The following WNT5A variants were observed in gnomAD, a reference collection of about 807,000 sequenced individuals.
The protein encoded by WNT5A is Wnt family member 5A.
A neutral mutation model predicts 42.1 loss-of-function variants in WNT5A; 9 were observed. The observed-to-expected ratio is 0.21, with a 90% CI of 0.13 to 0.37. The LOEUF is 0.37. Among genes scored for constraint, WNT5A ranks in the 10% least tolerant of loss-of-function variants. The pLI is 1.00. For missense variants in WNT5A, 426 were observed against 534.0 expected (o/e 0.80, Z 1.99); for synonymous variants, 210 against 210.0 (o/e 1.00, Z 0.00).
Position 55,483,763 on chromosome 3 carries a change from A to T in WNT5A, c.7-2845T>A, listed in dbSNP as rs1045240956. Among the ~76,000 whole-genome samples, 4 of 152,086 alleles carry T rather than the reference A, an allele frequency of 2.6e-5. No homozygotes were observed. Among genetic ancestry groups the T allele is most frequent in the African/African-American group, 9.7e-5 (4 of 41,426 alleles). On this transcript the variant is annotated intron_variant, in intron 1 of 4. Coordinates refer to ENST00000264634, the MANE Select transcript of WNT5A (RefSeq NM_003392.7). This position sits in a 1 kb window ranked among gnomAD's most constrained non-coding sequence, Gnocchi z 4.2. ...CAACGACGTGGCTCCCTTTCTATGT[A>T]TCCCTCAAAGCCTTCGCGTCGGATT...
intron 4 of WNT5A, among the ~76,000 whole-genome samples, chr3:55,474,021 G>A (rs2051300389): frequency 6.6e-6 from 1 of 152,178 alleles, no homozygotes; most frequent in Admixed American, 6.5e-5. Flanking sequence ...AGGCCCTTCT[G>A]GGATGTGCAG....
At chr3:55,472,582 G>A (rs1246021326) in intron 4 of WNT5A, among the ~76,000 whole-genome samples, 2 of 152,050 alleles carry the variant, frequency 1.3e-5, no homozygotes, top group Non-Finnish European at 2.9e-5. Context: ...CACCACAGAA[G>A]AGGCATCCCA....
At position 55,479,354 on chromosome 3, in the gene WNT5A, A is replaced by G; in HGVS notation, c.351T>C (p.Thr117=). 1.2e-6 allele frequency: 2 copies of G among 1,609,330 alleles called. No individual in the cohort carries two copies. The highest frequency in any genetic ancestry group is 1.7e-6 in the Non-Finnish European group (2 of 1,177,116). ...TGCCAAAAACAGAGGTGTTATCCAC[A>G]GTGCTGCAGTTCCACCTTCGATGTC... is the stretch of plus-strand genomic sequence containing the variant. ...QFRHRRWNCS[T]VDNTSVFGRV... The change falls in exon 3 of 5, where the codon ACT becomes ACC. Residue 117 remains threonine, a synonymous_variant. Coordinates refer to ENST00000264634, the MANE Select transcript of WNT5A (RefSeq NM_003392.7).
At position 55,487,031 on chromosome 3, in the gene WNT5A, C is replaced by T. The variant is rs756066753; in HGVS notation, c.-46G>A. Reference sequence around the variant, plus strand: ...GGGAGGAAGTCGCCACCCGAGCGAGCGCAGCCGAGGAATCCGAGCGGAGCG... The same window carrying T: ...GGGAGGAAGTCGCCACCCGAGCGAGTGCAGCCGAGGAATCCGAGCGGAGCG... On this transcript the variant is annotated 5_prime_UTR_variant, in exon 1 of 5. Transcript: ENST00000264634. The T allele has an allele frequency of 5.6e-6, 9 of 1,602,708 alleles. No individual in the cohort carries two copies. The highest frequency in any genetic ancestry group is 6.8e-6 in the Non-Finnish European group (8 of 1,174,084).
upstream of WNT5A, among the ~76,000 whole-genome samples, chr3:55,492,723 T>G (rs1220956020): frequency 6.6e-6 from 1 of 152,230 alleles, no homozygotes; most frequent in Non-Finnish European, 1.5e-5. Context: ...TGGCAACACT[T>G]ACTGAGCTCT....
intron 1 of WNT5A, chr3:55,481,442 G>A: frequency 3.1e-6 from 3 of 976,984 alleles, no homozygotes; most frequent in South Asian, 9.5e-5. Flanking sequence ...TGGCCAGCGC[G>A]GGGGGTGGAG....
intron 3 of WNT5A, among the ~76,000 whole-genome samples, chr3:55,476,518 G>A (rs1273995729): frequency 6.6e-6 from 1 of 152,160 alleles, no homozygotes; most frequent in African/African-American, 2.4e-5. Context: ...GAGATGAAGA[G>A]GAGATGAAAT....
At chr3:55,472,406 A>C (rs1559552836) in intron 4 of WNT5A, among the ~76,000 whole-genome samples, 1 of 152,210 alleles carries the variant, frequency 6.6e-6, no homozygotes, top group Non-Finnish European at 1.5e-5. Context: ...TTTAAGAGTC[A>C]GACACATCTC....
the WNT5A span, among the ~76,000 whole-genome samples, chr3:55,496,800 C>T: frequency 6.6e-6 from 1 of 152,138 alleles, no homozygotes; most frequent in Non-Finnish European, 1.5e-5. Context: ...TCAAAATTTG[C>T]CAACAGAAAA....
At chr3:55,498,422 T>C in the WNT5A span, among the ~76,000 whole-genome samples, 5 of 152,058 alleles carry the variant, frequency 3.3e-5, no homozygotes, top group African/African-American at 1.2e-4. Flanking sequence ...TCCAGGCCTG[T>C]ACAATAAGGA....
chr3:55,487,931 CA>C (rs888705140), upstream of WNT5A: 4 of 152,376 alleles, frequency 2.6e-5, no homozygotes, highest in African/African-American at 9.7e-5. Flanking sequence ...TCCCCCCCCC[CA>C]CCACGTATCC....
In WNT5A at chr3:55,483,479, T is replaced by C. The variant is rs2051509790; in HGVS notation, c.7-2561A>G. On this transcript the variant is annotated intron_variant, in intron 1 of 4. Transcript: ENST00000264634. This position sits in a 1 kb window ranked among gnomAD's most constrained non-coding sequence, Gnocchi z 4.2. ...CAAGAGATCAGATCCGAAAAGACAGTATGAAATGAGACCTCTGGGGAGACT... is the reference window on the plus strand; with the variant it reads ...CAAGAGATCAGATCCGAAAAGACAGCATGAAATGAGACCTCTGGGGAGACT... Among the ~76,000 whole-genome samples, 1 of 152,070 alleles carries C rather than the reference T, an allele frequency of 6.6e-6. No individual in the cohort carries two copies. Among genetic ancestry groups the C allele is most frequent in the Non-Finnish European group, 1.5e-5 (1 of 68,012 alleles).
chr3:55,499,881 A>C, the WNT5A span, among the ~76,000 whole-genome samples: 5 of 152,016 alleles, frequency 3.3e-5, no homozygotes, highest in African/African-American at 1.2e-4. Context: ...AGGCTGAGGC[A>C]GGAGAATCAA....
chr3:55,504,165 G>C, the WNT5A span, among the ~76,000 whole-genome samples: 1 of 151,770 alleles, frequency 6.6e-6, no homozygotes, highest in Non-Finnish European at 1.5e-5. Flanking sequence ...TCAGCTACTC[G>C]GGTGGCTGAG....
chr3:55,470,627 C>G (rs1428530841), intron 4 of WNT5A, 77 bp from the exon 5 acceptor site: 1 of 1,311,620 alleles, frequency 7.6e-7, no homozygotes, highest in Non-Finnish European at 1.0e-6. Context: ...AAGTTCTCCT[C>G]GACCTTCTCC....
At chr3:55,475,618 A>G (rs1158857836) in intron 3 of WNT5A, among the ~76,000 whole-genome samples, 2 of 152,192 alleles carry the variant, frequency 1.3e-5, no homozygotes, top group Admixed American at 6.5e-5. Flanking sequence ...CCACTTCTGC[A>G]GACACCCCCT....
At chr3:55,493,535 T>C (rs1464109377), upstream of WNT5A, among the ~76,000 whole-genome samples, 1 of 147,628 alleles carries the variant, frequency 6.8e-6, no homozygotes, top group African/African-American at 2.6e-5. Flanking sequence ...GTCTGTCTTG[T>C]TTTCTCTCAA....
chr3:55,498,739 G>A, the WNT5A span, among the ~76,000 whole-genome samples: 1 of 152,108 alleles, frequency 6.6e-6, no homozygotes, highest in Admixed American at 6.5e-5. Flanking sequence ...AGAGTCACGT[G>A]ACACAGACTA....
rs2051509223 is a variant in WNT5A, at chr3:55,483,461, T to A, written c.7-2543A>T. Among the ~76,000 whole-genome samples the A allele has an allele frequency of 6.6e-6, 1 of 152,092 alleles. No homozygotes were observed. Among genetic ancestry groups the A allele is most frequent in the Non-Finnish European group, 1.5e-5 (1 of 68,030 alleles). Reference sequence around the variant, plus strand: ...ACATCCCCGCCTGTTTACCAAGAGATCAGATCCGAAAAGACAGTATGAAAT... The same window carrying A: ...ACATCCCCGCCTGTTTACCAAGAGAACAGATCCGAAAAGACAGTATGAAAT... On this transcript the variant is annotated intron_variant, in intron 1 of 4. Coordinates refer to ENST00000264634, the MANE Select transcript of WNT5A (RefSeq NM_003392.7). This position sits in a 1 kb window ranked among gnomAD's most constrained non-coding sequence, Gnocchi z 4.2.
Sources: gnomAD v4.1 joint callset for allele counts (sites outside exome capture counted in the v4.1 genomes callset) on GRCh38, gnomAD v4.1.1 for gene constraint, Gnocchi (gnomAD v3.1) non-coding constraint, MANE v1.5 for transcripts, NCBI Gene and HGNC (gene_info 2026-07-23, HGNC 2026-07-21) for gene names.